PCDHA10: variants seen among roughly 807,000 people sequenced by gnomAD.
PCDHA10 encodes protocadherin alpha-10.
Under a neutral mutation model 61.2 loss-of-function variants are expected in PCDHA10, and 45 were observed. The ratio of observed to expected loss-of-function variants is 0.74; its 90% CI spans 0.58 to 0.94. The LOEUF (loss-of-function observed/expected upper bound fraction) is 0.94, where lower values mean the gene tolerates loss of function less well. Ranked by LOEUF, PCDHA10 falls within the 40% of genes least tolerant of loss-of-function variation. The pLI, the probability that PCDHA10 is intolerant of heterozygous loss-of-function variation, is 0.00. For missense variants in PCDHA10, 1,278 were observed against 1,236.2 expected, an observed-to-expected ratio of 1.03 and a Z score of -0.51; for synonymous variants, 602 against 548.8, an observed-to-expected ratio of 1.10 and a Z score of -1.35.
At chr5:140,914,038 T>C (rs949307049) in intron 1 of PCDHA10, among the ~76,000 whole-genome samples, 14 of 152,206 alleles carry the variant, frequency 9.2e-5, no homozygotes, top group Non-Finnish European at 1.3e-4. Context: ...GAGAAGAATG[T>C]GTATTCTGCA....
At chr5:141,004,030 C>T (rs1337271425) in intron 3 of PCDHA10, among the ~76,000 whole-genome samples, 1 of 152,204 alleles carries the variant, frequency 6.6e-6, no homozygotes, top group Non-Finnish European at 1.5e-5. Flanking sequence ...GAAACATTTC[C>T]TTGATTGATC....
In PCDHA10 at chr5:140,968,377, T is replaced by C. The variant is rs1461765123; in HGVS notation, c.2389-10572T>C. 2.5e-6 allele frequency: 4 copies of C among 1,613,962 alleles called. No individual in the cohort carries two copies. In the African/African-American group the frequency reaches 4.0e-5, roughly 16 times the overall value. ...GCAGCCTTTATGCTGTCAACTCCTT[T>C]GACTATGAGAAGTTTCGGGAGTTCT... On this transcript the variant is annotated intron_variant, in intron 1 of 3. Transcript: ENST00000307360.
intron 1 of PCDHA10, among the ~76,000 whole-genome samples, chr5:140,939,849 G>A (rs1554212970): frequency 6.6e-6 from 1 of 152,134 alleles, no homozygotes; most frequent in Non-Finnish European, 1.5e-5. Context: ...GTTGTGTTCT[G>A]TATATGTCCA....
At chr5:140,892,120 A>G (rs1242162429) in intron 1 of PCDHA10, among the ~76,000 whole-genome samples, 1 of 152,216 alleles carries the variant, frequency 6.6e-6, no homozygotes, top group Non-Finnish European at 1.5e-5. Context: ...TATATCTGGA[A>G]CACAATAAGC....
intron 1 of PCDHA10, among the ~76,000 whole-genome samples, chr5:140,899,650 T>C (rs1174353279): frequency 5.3e-5 from 8 of 152,192 alleles, no homozygotes; most frequent in African/African-American, 1.7e-4. Flanking sequence ...TCTTATTTGG[T>C]TGTGTCTCTG....
chr5:140,940,361 A>T (rs1396183629), intron 1 of PCDHA10, among the ~76,000 whole-genome samples: 1 of 152,210 alleles, frequency 6.6e-6, no homozygotes, highest in Non-Finnish European at 1.5e-5. Flanking sequence ...TGCTATTAAA[A>T]GTATTCCTTG....
intron 1 of PCDHA10, chr5:140,869,913 C>G: frequency 6.2e-7 from 1 of 1,610,754 alleles, no homozygotes; most frequent in Non-Finnish European, 8.5e-7. Flanking sequence ...CAGACCGAGA[C>G]GAAGGAGTCA....
chr5:140,966,934 G>A (rs782780798), intron 1 of PCDHA10: 6 of 1,604,080 alleles, frequency 3.7e-6, no homozygotes, highest in South Asian at 2.2e-5. Flanking sequence ...CACCCGGCGC[G>A]CTCGTGGGCA....
chr5:140,989,630 G>C (rs1483532761), intron 3 of PCDHA10, among the ~76,000 whole-genome samples: 4 of 152,228 alleles, frequency 2.6e-5, no homozygotes, highest in Admixed American at 2.6e-4. Context: ...CCTAGTGACA[G>C]CAAGGGTCTT....
intron 1 of PCDHA10, among the ~76,000 whole-genome samples, chr5:140,951,897 G>A (rs2094651245): frequency 6.6e-6 from 1 of 152,106 alleles, no homozygotes; most frequent in Non-Finnish European, 1.5e-5. Context: ...CTGCCTATGA[G>A]CCTGTAAAAT....
chr5:140,858,817 G>A (rs1212820522), intron 1 of PCDHA10: 1 of 345,356 alleles, frequency 2.9e-6, no homozygotes, highest in Non-Finnish European at 5.3e-6. Context: ...TGATTTGATT[G>A]TATTTGCATT....
At chr5:141,001,702 G>C (rs2098033163) in intron 3 of PCDHA10, among the ~76,000 whole-genome samples, 1 of 152,194 alleles carries the variant, frequency 6.6e-6, no homozygotes, top group Non-Finnish European at 1.5e-5. Flanking sequence ...GGCGAAATAG[G>C]GGGCGGGGAA....
intron 1 of PCDHA10, chr5:140,875,490 A>G: frequency 6.2e-7 from 1 of 1,612,864 alleles, no homozygotes; most frequent in Non-Finnish European, 8.5e-7. Context: ...TTATCGGACC[A>G]AGAGGCCCGG....
chr5:140,938,293 C>T (rs896897734), intron 1 of PCDHA10, among the ~76,000 whole-genome samples: 2 of 152,110 alleles, frequency 1.3e-5, no homozygotes, highest in African/African-American at 4.8e-5. Flanking sequence ...CTGTCATTGC[C>T]TATGAAATTC....
chr5:140,882,331 C>T, intron 1 of PCDHA10: 3 of 1,614,214 alleles, frequency 1.9e-6, no homozygotes, highest in South Asian at 2.2e-5. Flanking sequence ...TTCTGATCCT[C>T]GCAGCCTGGG....
rs782133089 is a variant in PCDHA10, at chr5:140,924,894, C to CA, written c.2389-54044dup. Among the ~76,000 whole-genome samples, 369 of 71,492 alleles carry CA rather than the reference C, an allele frequency of 5.2e-3. 5 individuals carry two copies. The South Asian group carries it at 0.07, about 14-fold the overall frequency. 46.9% of individuals were successfully genotyped at this position (71,492 alleles called of 152,430 possible). ...TGGGTGACAGAGCAAGAACCTGTCT[C>CA]AAAAAAAAAAATAAAATAAAATAAA... is the stretch of plus-strand genomic sequence containing the variant. On this transcript the variant is annotated intron_variant, in intron 1 of 3. Coordinates refer to ENST00000307360, the MANE Select transcript of PCDHA10 (RefSeq NM_018901.4).
intron 1 of PCDHA10, chr5:140,875,367 T>G: frequency 6.9e-7 from 1 of 1,449,166 alleles, no homozygotes; most frequent in Non-Finnish European, 9.1e-7. Flanking sequence ...CTGGAAAAAA[T>G]TTACTAAATA....
In PCDHA10 at chr5:140,967,909, C is replaced by T. The variant is rs140881563; in HGVS notation, c.2389-11040C>T. The T allele has an allele frequency of 5.0e-5, 81 of 1,614,206 alleles. No individual in the cohort carries two copies. In the African/African-American group the frequency reaches 9.1e-4, roughly 18 times the overall value. ...CAGTGCCTGAGAATGCTACACCCAACACCATTGTGGCCGTTCTCAGTGTCA... is the reference window on the plus strand; with the variant it reads ...CAGTGCCTGAGAATGCTACACCCAATACCATTGTGGCCGTTCTCAGTGTCA... On this transcript the variant is annotated intron_variant, in intron 1 of 3. Coordinates refer to ENST00000307360, the MANE Select transcript of PCDHA10 (RefSeq NM_018901.4).
intron 1 of PCDHA10, among the ~76,000 whole-genome samples, chr5:140,937,072 C>G (rs1321046541): frequency 7.0e-6 from 1 of 143,792 alleles, no homozygotes; most frequent in East Asian, 2.0e-4. Flanking sequence ...GAGTCTCGCT[C>G]TGTCGCCCAG....
Sources: allele counts gnomAD v4.1 joint callset (sites outside exome capture counted in the v4.1 genomes callset), GRCh38; gene constraint gnomAD v4.1.1; transcripts MANE v1.5; gene names NCBI Gene and HGNC (gene_info 2026-07-23, HGNC 2026-07-21).